SNX8: variants seen among roughly 807,000 people sequenced by gnomAD.
The protein encoded by SNX8 is sorting nexin 8.
Under a neutral mutation model 51.6 loss-of-function variants are expected in SNX8, and 25 were observed. The observed-to-expected ratio is 0.48, with a 90% CI of 0.35 to 0.68. SNX8 has a LOEUF of 0.68. Ranked by LOEUF, SNX8 falls within the 30% of genes least tolerant of loss-of-function variation. The probability of loss-of-function intolerance (pLI) is 0.00; values close to 1 mark genes in which losing one functional copy is unlikely to be tolerated. For missense variants in SNX8, 695 were observed against 624.0 expected (o/e 1.11, Z -1.21); for synonymous variants, 324 against 277.0 (o/e 1.17, Z -1.68).
upstream of SNX8, chr7:2,314,549 C>T (rs937561562): frequency 1.0e-6 from 1 of 964,766 alleles, no homozygotes; most frequent in South Asian, 4.9e-5. Context: ...GCCCACAGTC[C>T]GCCCCTGCGG....
chr7:2,296,245 T>C (rs962542963), intron 1 of SNX8, among the ~76,000 whole-genome samples: 1 of 151,864 alleles, frequency 6.6e-6, no homozygotes, highest in African/African-American at 2.4e-5. Flanking sequence ...TCATCTATGA[T>C]TTATTTCATC....
intron 1 of SNX8, among the ~76,000 whole-genome samples, chr7:2,295,760 T>C (rs1796260396): frequency 6.6e-6 from 1 of 152,180 alleles, no homozygotes; most frequent in South Asian, 2.1e-4. Context: ...GATTTTTGCA[T>C]ATGGTGAGAG....
intron 1 of SNX8, among the ~76,000 whole-genome samples, chr7:2,323,414 A>G (rs1286766947): frequency 6.6e-6 from 1 of 152,100 alleles, no homozygotes; most frequent in Admixed American, 6.6e-5. Context: ...AGAAATACTA[A>G]TAATGGCTAA....
At chr7:2,322,869 A>C (rs12670268) in intron 1 of SNX8, among the ~76,000 whole-genome samples, 1 of 150,272 alleles carries the variant, frequency 6.7e-6, no homozygotes, top group Non-Finnish European at 1.5e-5. Flanking sequence ...ATAAAAAAAA[A>C]ATCCGGGCGT....
At chr7:2,274,345 C>T (rs1487583518) in intron 3 of SNX8, among the ~76,000 whole-genome samples, 1 of 152,256 alleles carries the variant, frequency 6.6e-6, no homozygotes, top group African/African-American at 2.4e-5. Context: ...GCGTCCCCGT[C>T]CAGGACACGG....
chr7:2,300,122 G>A (rs566738318), intron 1 of SNX8, among the ~76,000 whole-genome samples: 4 of 152,234 alleles, frequency 2.6e-5, no homozygotes, highest in Admixed American at 6.5e-5. Context: ...TTTCCCCCAC[G>A]GCTAAATTTG....
At chr7:2,344,951 C>T (rs892507356) in intron 1 of SNX8, among the ~76,000 whole-genome samples, 3 of 152,152 alleles carry the variant, frequency 2.0e-5, no homozygotes, top group Non-Finnish European at 4.4e-5. Flanking sequence ...TCAAACAACA[C>T]GATACCCTTT....
intron 3 of SNX8, among the ~76,000 whole-genome samples, chr7:2,272,529 A>C (rs111494155): frequency 0.02 from 3,089 of 151,220 alleles, 38 homozygotes; most frequent in South Asian, 0.044. Flanking sequence ...GGGCCCGCCA[A>C]CATGCCTGGC....
chr7:2,275,152 G>T lies in SNX8; in HGVS notation c.378C>A (p.Tyr126Ter). The T allele has an allele frequency of 1.2e-6, 2 of 1,614,102 alleles. No individual in the cohort carries two copies. The highest frequency in any genetic ancestry group is 1.7e-6 in the Non-Finnish European group (2 of 1,179,926). Residue 126 changes from tyrosine (Y) to a stop codon, truncating the protein, a stop_gained, in exon 3 of 11, where the codon TAC becomes TAA. Coordinates refer to ENST00000222990, the MANE Select transcript of SNX8 (RefSeq NM_013321.4). LOFTEE classifies it high-confidence loss of function. ...TGGGTGGCAGGGCAGGCACCATACG[G>T]TAGGGGAACTTGTGCAGGAGCATCT... ...FQEMLLHKFP[Y>*]RMVPALPPKR...
At chr7:2,316,203 TCACC>T (rs1796753738), upstream of SNX8, among the ~76,000 whole-genome samples, 1 of 143,632 alleles carries the variant, frequency 7.0e-6, no homozygotes, top group African/African-American at 2.6e-5. Flanking sequence ...CTGCATTCAC[TCACC>T]CACCCACTCA....
chr7:2,341,865 C>T (rs779754779), intron 1 of SNX8, among the ~76,000 whole-genome samples: 2 of 151,980 alleles, frequency 1.3e-5, no homozygotes, highest in Non-Finnish European at 2.9e-5. Flanking sequence ...CTGAGCTACT[C>T]GGGAGGCTGA....
At chr7:2,345,493 T>C (rs747954803) in intron 1 of SNX8, among the ~76,000 whole-genome samples, 18 of 151,580 alleles carry the variant, frequency 1.2e-4, no homozygotes, top group Non-Finnish European at 2.1e-4. Context: ...GCCTGGCCCA[T>C]GTGGAAAAAA....
intron 1 of SNX8, among the ~76,000 whole-genome samples, chr7:2,341,742 C>T (rs1778929538): frequency 1.3e-5 from 2 of 152,072 alleles, no homozygotes; most frequent in Non-Finnish European, 2.9e-5. Context: ...AATCCTAGAA[C>T]TTTGGAGGCT....
In SNX8 at chr7:2,254,894, C is replaced by T. The variant is rs1007717703; in HGVS notation, c.*162G>A. The T allele has an allele frequency of 1.6e-5, 10 of 640,504 alleles. No individual in the cohort carries two copies. The highest frequency in any genetic ancestry group is 5.5e-5 in the East Asian group (2 of 36,454). 39.7% of individuals were successfully genotyped at this position (640,504 alleles called of 1,614,324 possible). On this transcript the variant is annotated 3_prime_UTR_variant, in exon 11 of 11. Transcript: ENST00000222990. ...GTGGCCCAGCTGCCCCCATGGTCCA[C>T]GGATGCGCCTCCCGACCCGCAGGCG...
intron 1 of SNX8, among the ~76,000 whole-genome samples, chr7:2,307,524 C>T (rs564329900): frequency 6.7e-6 from 1 of 148,752 alleles, no homozygotes; most frequent in South Asian, 2.1e-4. Context: ...CCCAGCTACT[C>T]GGGAGGCTGA....
intron 1 of SNX8, among the ~76,000 whole-genome samples, chr7:2,302,748 C>A (rs1796429742): frequency 6.6e-6 from 1 of 150,424 alleles, no homozygotes; most frequent in Non-Finnish European, 1.5e-5. Flanking sequence ...GCGCCTCTGC[C>A]CCACCGCCCC....
At chr7:2,335,441 G>A (rs1778810005) in intron 1 of SNX8, among the ~76,000 whole-genome samples, 2 of 151,672 alleles carry the variant, frequency 1.3e-5, no homozygotes. Flanking sequence ...TTGAGGCCAG[G>A]AGTTCGAAAC....
chr7:2,260,727 G>T (rs1175726068), intron 7 of SNX8, among the ~76,000 whole-genome samples: 4 of 152,182 alleles, frequency 2.6e-5, no homozygotes, highest in African/African-American at 9.7e-5. Flanking sequence ...CTCGAGGTTT[G>T]TTTCATGTAA....
At chr7:2,287,853 T>G (rs1796067110) in intron 1 of SNX8, 1 of 147,482 alleles carries the variant, frequency 6.8e-6, no homozygotes, top group South Asian at 2.2e-4. Flanking sequence ...GGGACTGCAG[T>G]GAGCCAGGAT....
Sources: allele counts gnomAD v4.1 joint callset (sites outside exome capture counted in the v4.1 genomes callset), GRCh38; gene constraint gnomAD v4.1.1; transcripts MANE v1.5; gene names NCBI Gene and HGNC (gene_info 2026-07-23, HGNC 2026-07-21).